The following GSTA5 variants were observed in gnomAD, a reference collection of about 807,000 sequenced individuals.
The protein encoded by GSTA5 is glutathione S-transferase A5.
Under a neutral mutation model 21.8 loss-of-function variants are expected in GSTA5, and 25 were observed. The observed-to-expected ratio is 1.14, with a 90% confidence interval of 0.83 to 1.60. The LOEUF (loss-of-function observed/expected upper bound fraction) is 1.60. GSTA5 is among the 40% of genes most tolerant of loss of function. The pLI is 0.00. For missense variants in GSTA5, 330 were observed against 259.2 expected (o/e 1.27, Z -1.88); for synonymous variants, 102 against 89.5 (o/e 1.14, Z -0.78).
At chr6:52,832,379 C>G (rs1209566825) in intron 5 of GSTA5, among the ~76,000 whole-genome samples, 4 of 152,234 alleles carry the variant, frequency 2.6e-5, no homozygotes, top group African/African-American at 7.2e-5. Context: ...ATGGGACCAC[C>G]TTTTCTCAGT....
Position 52,833,000 on chromosome 6 carries a change from T to G in GSTA5, c.415-10A>C, listed in dbSNP as rs1014412101. The G allele has an allele frequency of 1.3e-5, 21 of 1,613,856 alleles. No homozygotes were observed. Among genetic ancestry groups the G allele is most frequent in the African/African-American group, 5.3e-5 (4 of 74,902 alleles). ...TGTGGCTCTTTAAGACCTGGAGAAT[T>G]GGAGGAATCAGATCAGGAACACATG... is the stretch of plus-strand genomic sequence containing the variant. On this transcript the variant is annotated splice_polypyrimidine_tract_variant and intron_variant, in intron 4 of 5. Coordinates refer to ENST00000370989, the Ensembl canonical transcript of GSTA5.
intron 3 of GSTA5, among the ~76,000 whole-genome samples, chr6:52,835,735 G>A (rs188859630): frequency 6.6e-6 from 1 of 152,174 alleles, no homozygotes; most frequent in East Asian, 1.9e-4. Context: ...CTGGGCACCA[G>A]CCTCTACTAG....
At chr6:52,831,941 G>A in exon 6 of GSTA5, 1 of 1,613,640 alleles carries the variant, frequency 6.2e-7, no homozygotes, top group African/African-American at 1.3e-5. Flanking sequence ...TCTTCACCGT[G>A]GGCAGGTTGC....
At chr6:52,840,977 T>A (rs1382040388), upstream of GSTA5, 6 of 624,278 alleles carry the variant, frequency 9.6e-6, no homozygotes, top group Admixed American at 3.3e-5. Context: ...CTGGAATGTT[T>A]TCTTGGCTCA....
At chr6:52,843,386 T>C (rs1373689725), upstream of GSTA5, among the ~76,000 whole-genome samples, 1 of 152,236 alleles carries the variant, frequency 6.6e-6, no homozygotes, top group Non-Finnish European at 1.5e-5. Flanking sequence ...AAAGTGTTGC[T>C]ATTTCTCCAC....
At chr6:52,837,118 A>T (rs1764303857) in intron 2 of GSTA5, among the ~76,000 whole-genome samples, 1 of 152,142 alleles carries the variant, frequency 6.6e-6, no homozygotes, top group Non-Finnish European at 1.5e-5. Flanking sequence ...TGCTCTTCAA[A>T]GCCTGCAATA....
chr6:52,838,409 A>C (rs1764322160), intron 1 of GSTA5, among the ~76,000 whole-genome samples: 1 of 152,250 alleles, frequency 6.6e-6, no homozygotes, highest in Non-Finnish European at 1.5e-5. Context: ...AGGTCATGCA[A>C]AGCACTTAGA....
At chr6:52,841,617 A>G (rs948964057), upstream of GSTA5, among the ~76,000 whole-genome samples, 1 of 152,218 alleles carries the variant, frequency 6.6e-6, no homozygotes, top group Non-Finnish European at 1.5e-5. Context: ...TAACCTGGCA[A>G]AAGAGATGTT....
chr6:52,835,836 T>G (rs1459700447), intron 3 of GSTA5, among the ~76,000 whole-genome samples: 1 of 152,186 alleles, frequency 6.6e-6, no homozygotes, highest in African/African-American at 2.4e-5. Flanking sequence ...AGATTCAGCT[T>G]GTTTACAGCC....
upstream of GSTA5, among the ~76,000 whole-genome samples, chr6:52,841,494 T>C (rs1456355545): frequency 6.6e-6 from 1 of 152,228 alleles, no homozygotes; most frequent in Non-Finnish European, 1.5e-5. Flanking sequence ...GAAATTAGGC[T>C]TCAGACTTGT....
chr6:52,841,929 C>T (rs1236758773), upstream of GSTA5, among the ~76,000 whole-genome samples: 1 of 152,098 alleles, frequency 6.6e-6, no homozygotes, highest in East Asian at 1.9e-4. Flanking sequence ...AACCCCAGTA[C>T]TTTTTAAAAT....
intron 1 of GSTA5, among the ~76,000 whole-genome samples, chr6:52,839,970 T>C (rs1406740058): frequency 1.3e-5 from 2 of 152,250 alleles, no homozygotes; most frequent in African/African-American, 4.8e-5. Context: ...TCTATCTCCA[T>C]GACCTAGTAC....
chr6:52,834,338 T>G, intron 3 of GSTA5, 56 bp from the exon 4 acceptor site: 1 of 1,542,020 alleles, frequency 6.5e-7, no homozygotes, highest in South Asian at 1.2e-5. Flanking sequence ...ATTTTATAGG[T>G]TTATAAAAAC....
chr6:52,832,002 A>C, intron 5 of GSTA5, 32 bp from the exon 6 acceptor site: 1 of 1,589,004 alleles, frequency 6.3e-7, no homozygotes, highest in Non-Finnish European at 8.5e-7. Flanking sequence ...CTCAGAGTGA[A>C]GCCAAGGCCG....
At chr6:52,842,247 T>C (rs988850742), upstream of GSTA5, among the ~76,000 whole-genome samples, 4 of 152,164 alleles carry the variant, frequency 2.6e-5, no homozygotes, top group African/African-American at 9.7e-5. Flanking sequence ...GACACAGGAC[T>C]CATTGAAAGC....
rs138537244 is a variant in GSTA5 at position 52,836,364 on chromosome 6, C to T, written c.144G>A (p.Gly48=). 35 of 1,613,472 alleles carry T rather than the reference C, an allele frequency of 2.2e-5. No individual in the cohort carries two copies. The African/African-American group carries it at 4.7e-4, about 22-fold the overall frequency. ...TTGGTACTTGCTGGAACAGCAAACTCCCATCTTAGAAAGAAGAAAAAAAAA... is the reference window on the plus strand; with the variant it reads ...TTGGTACTTGCTGGAACAGCAAACTTCCATCTTAGAAAGAAGAAAAAAAAA... Residue 48 remains glycine, a synonymous_variant, in exon 3 of 6, where the codon GGG becomes GGA. Coordinates refer to ENST00000370989, the Ensembl canonical transcript of GSTA5.
chr6:52,834,840 C>T (rs951691430), intron 3 of GSTA5, among the ~76,000 whole-genome samples: 1 of 152,158 alleles, frequency 6.6e-6, no homozygotes, highest in South Asian at 2.1e-4. Context: ...TTTCCACAGC[C>T]CTCTCCATGT....
chr6:52,834,116 C>T, intron 4 of GSTA5, 25 bp downstream of exon 4: 1 of 1,613,984 alleles, frequency 6.2e-7, no homozygotes. Context: ...CTCAGTTCCC[C>T]TAAACATTGA....
chr6:52,844,352 A>G (rs1465403557), upstream of GSTA5, among the ~76,000 whole-genome samples: 3 of 152,184 alleles, frequency 2.0e-5, no homozygotes, highest in Non-Finnish European at 2.9e-5. Context: ...CATCTAATTC[A>G]TGAGTTCTTA....
Sources: gnomAD v4.1 joint callset for allele counts (sites outside exome capture counted in the v4.1 genomes callset) on GRCh38, gnomAD v4.1.1 for gene constraint, MANE v1.5 for transcripts, NCBI Gene and HGNC (gene_info 2026-07-23, HGNC 2026-07-21) for gene names.